ABR: variants seen among roughly 807,000 people sequenced by gnomAD.
The protein encoded by ABR is active breakpoint cluster region-related protein.
In ABR, 35 loss-of-function variants were observed where a neutral mutation model predicts 107.2. The ratio of observed to expected loss-of-function variants is 0.33; its 90% confidence interval spans 0.25 to 0.43. The LOEUF (loss-of-function observed/expected upper bound fraction) is 0.43, where lower values mean the gene tolerates loss of function less well. Ranked by LOEUF, ABR falls within the 20% of genes least tolerant of loss-of-function variation. The probability of loss-of-function intolerance (pLI) is 1.00; values close to 1 mark genes in which losing one functional copy is unlikely to be tolerated. For missense variants in ABR, 815 were observed against 1,115.2 expected (o/e 0.73, Z 3.83); for synonymous variants, 498 against 462.0 (o/e 1.08, Z -1.00).
At chr17:1,216,520 A>G (rs138894002) in intron 1 of ABR, among the ~76,000 whole-genome samples, 79 of 152,348 alleles carry the variant, frequency 5.2e-4, no homozygotes, top group African/African-American at 1.9e-3. Flanking sequence ...GGCTCTAACT[A>G]ATGCCTCCCA....
At chr17:1,129,010 CA>C (rs1291359115) in intron 1 of ABR, among the ~76,000 whole-genome samples, 1 of 152,254 alleles carries the variant, frequency 6.6e-6, no homozygotes, top group Non-Finnish European at 1.5e-5. Context: ...TATCTGCAGT[CA>C]AACCTAAGGT....
At chr17:1,060,715 G>A (rs1385683951) in intron 10 of ABR, among the ~76,000 whole-genome samples, 2 of 151,956 alleles carry the variant, frequency 1.3e-5, no homozygotes, top group Non-Finnish European at 2.9e-5. Flanking sequence ...GAACAAGGCT[G>A]AGCACGGTGG....
chr17:1,108,751 A>G (rs2151383641), intron 2 of ABR, among the ~76,000 whole-genome samples: 1 of 152,182 alleles, frequency 6.6e-6, no homozygotes, highest in East Asian at 1.9e-4. Context: ...CACTGCCCCG[A>G]GGACACCGGT....
chr17:1,044,650 C>CAA lies in ABR; in HGVS notation c.1791+5398_1791+5399dup, dbSNP rs3031691. ...TGGGCAGCACAGCAAGACCCCATCT[C>CAA]AAAAAAAAAAAAAATACCTCTTCCG... On this transcript the variant is annotated intron_variant, in intron 16 of 22. Coordinates refer to ENST00000302538, the MANE Select transcript of ABR (RefSeq NM_021962.5). 2.5e-3 allele frequency among the ~76,000 whole-genome samples: 364 copies of CAA among 144,738 alleles called. 1 individual carries two copies. Among genetic ancestry groups the CAA allele is most frequent in the African/African-American group, 8.2e-3 (323 of 39,228 alleles). 95.0% of individuals were successfully genotyped at this position (144,738 alleles called of 152,430 possible). A position where few individuals can be genotyped will look rare whatever the true frequency, so the allele number is the denominator to read the frequency against.
upstream of ABR, among the ~76,000 whole-genome samples, chr17:1,189,329 C>T (rs892465297): frequency 6.6e-6 from 1 of 150,968 alleles, no homozygotes; most frequent in Non-Finnish European, 1.5e-5. Flanking sequence ...TCCTCTCTTA[C>T]TAAGACCTGT....
Position 1,027,856 on chromosome 17 carries a change from G to C in ABR, c.1792-14692C>G, listed in dbSNP as rs188932693. Among the ~76,000 whole-genome samples the C allele has an allele frequency of 6.6e-6, 1 of 152,156 alleles. No homozygotes were observed. The highest frequency in any genetic ancestry group is 6.5e-5 in the Admixed American group (1 of 15,292). On this transcript the variant is annotated intron_variant, in intron 16 of 22. Coordinates refer to ENST00000302538, the MANE Select transcript of ABR (RefSeq NM_021962.5). The surrounding 1 kb of genome is among the most constrained non-coding windows in gnomAD (Gnocchi z 4.7). Reference sequence around the variant, plus strand: ...CCAGACTTCTATTGCAGAAGGCTGCGAGATCTTTCCTGACGCCCAGACTGG... The same window carrying C: ...CCAGACTTCTATTGCAGAAGGCTGCCAGATCTTTCCTGACGCCCAGACTGG...
rs1462442050 is a variant in ABR at position 1,037,509 on chromosome 17, T to C, written c.1791+12541A>G. 6.6e-6 allele frequency among the ~76,000 whole-genome samples: 1 copy of C among 152,152 alleles called. No individual in the cohort carries two copies. The highest frequency in any genetic ancestry group is 2.4e-5 in the African/African-American group (1 of 41,436). ...AACCCTAGCGATTCTCACAGCACATTTGGTCATGGAAAAGGGTGAAAAATG... is the reference window on the plus strand; with the variant it reads ...AACCCTAGCGATTCTCACAGCACATCTGGTCATGGAAAAGGGTGAAAAATG... On this transcript the variant is annotated intron_variant, in intron 16 of 22. Coordinates refer to ENST00000302538, the MANE Select transcript of ABR (RefSeq NM_021962.5). The surrounding 1 kb of genome is among the most constrained non-coding windows in gnomAD (Gnocchi z 4.6).
In ABR at chr17:1,140,743, C is replaced by T. The variant is rs527712129; in HGVS notation, c.62-15376G>A. On this transcript the variant is annotated intron_variant, in intron 1 of 22. Transcript: ENST00000302538. ...GATCACAGGCACCCGCCACCATGCC[C>T]GGCTAATTTTTGTATTTTTAGTAGA... Among the ~76,000 whole-genome samples, 254 of 152,120 alleles carry T rather than the reference C, an allele frequency of 1.7e-3. 2 individuals are homozygous for T. Among genetic ancestry groups the T allele is most frequent in the Non-Finnish European group, 3.0e-3 (201 of 67,986 alleles).
intron 2 of ABR, among the ~76,000 whole-genome samples, chr17:1,116,092 G>A (rs181552926): frequency 6.7e-6 from 1 of 149,302 alleles, no homozygotes; most frequent in Non-Finnish European, 1.5e-5. Flanking sequence ...CGGATGTGGT[G>A]GCCTGTAATC....
intron 1 of ABR, among the ~76,000 whole-genome samples, chr17:1,167,498 G>A (rs898262976): frequency 2.0e-5 from 3 of 152,144 alleles, no homozygotes; most frequent in Admixed American, 6.5e-5. Flanking sequence ...TCCCCCGAGC[G>A]GAGGGAGTAA....
At position 1,032,308 on chromosome 17, in the gene ABR, C is replaced by T. The variant is rs553040887; in HGVS notation, c.1791+17742G>A. 2.9e-4 allele frequency among the ~76,000 whole-genome samples: 44 copies of T among 152,286 alleles called. 1 individual carries two copies. The highest frequency in any genetic ancestry group is 2.4e-3 in the Admixed American group (37 of 15,298). On this transcript the variant is annotated intron_variant, in intron 16 of 22. Transcript: ENST00000302538. ...CTCAGAGCCAGCTTGGTGACCCGGC[C>T]AGACCCTTGTGGACCGGCACTCAGA...
chr17:1,139,534 G>A (rs137855382), intron 1 of ABR, among the ~76,000 whole-genome samples: 1,766 of 148,998 alleles, frequency 0.012, 38 homozygotes, highest in African/African-American at 0.04. Context: ...TTACAGGCGT[G>A]AGCCACCGTG....
intron 5 of ABR, among the ~76,000 whole-genome samples, chr17:1,081,490 CCT>C (rs1187818955): frequency 4.6e-5 from 7 of 152,322 alleles, no homozygotes; most frequent in Non-Finnish European, 7.3e-5. Flanking sequence ...GGTCAGCCAT[CCT>C]CTCTCTGCAC....
intron 2 of ABR, among the ~76,000 whole-genome samples, chr17:1,111,289 C>A (rs142122275): frequency 2.0e-5 from 3 of 152,214 alleles, no homozygotes; most frequent in Admixed American, 1.3e-4. Context: ...ACACAAGTGA[C>A]TCCCTGAGTA....
At chr17:1,197,140 T>A (rs1205124267) in intron 1 of ABR, among the ~76,000 whole-genome samples, 2 of 151,510 alleles carry the variant, frequency 1.3e-5, no homozygotes, top group Non-Finnish European at 2.9e-5. Flanking sequence ...ATCTCTTTCT[T>A]CAAGGCAGCC....
chr17:1,037,036 C>T lies in ABR; in HGVS notation c.1791+13014G>A, dbSNP rs2073239773. On this transcript the variant is annotated intron_variant, in intron 16 of 22. Coordinates refer to ENST00000302538, the MANE Select transcript of ABR (RefSeq NM_021962.5). This position sits in a 1 kb window ranked among gnomAD's most constrained non-coding sequence, Gnocchi z 4.6. The stretch of plus-strand genomic sequence containing the variant: ...CCATCCTTCCTTCCTTCCATCCATC[C>T]ACCCATCCATCCATCCATCCACCCA... Among the ~76,000 whole-genome samples, 1 of 134,542 alleles carries T rather than the reference C, an allele frequency of 7.4e-6. No homozygotes were observed. Among genetic ancestry groups the T allele is most frequent in the African/African-American group, 2.9e-5 (1 of 35,044 alleles). The allele number at this position is 134,542 out of a possible 152,430, so 88.3% of individuals were successfully genotyped here. A position where few individuals can be genotyped will look rare whatever the true frequency, so the allele number is the denominator to read the frequency against.
Position 1,100,821 on chromosome 17 carries a change from C to T in ABR, c.247-86G>A, listed in dbSNP as rs76815113. 5.0e-5 allele frequency: 64 copies of T among 1,281,762 alleles called. No individual in the cohort carries two copies. In the African/African-American group the frequency reaches 5.2e-4, roughly 10 times the overall value. 79.4% of individuals were successfully genotyped at this position (1,281,762 alleles called of 1,614,324 possible). A position where few individuals can be genotyped will look rare whatever the true frequency, so the allele number is the denominator to read the frequency against. Reference sequence around the variant, plus strand: ...ACGGTCTGCTTCCCTGCCCTTCCCCCCCGACCTTTATTTTTTTTTTGAGAC... The same window carrying T: ...ACGGTCTGCTTCCCTGCCCTTCCCCTCCGACCTTTATTTTTTTTTTGAGAC... On this transcript the variant is annotated intron_variant, in intron 2 of 22. Coordinates refer to ENST00000302538, the MANE Select transcript of ABR (RefSeq NM_021962.5).
At chr17:1,102,290 G>C (rs78383802) in intron 2 of ABR, among the ~76,000 whole-genome samples, 3 of 152,192 alleles carry the variant, frequency 2.0e-5, no homozygotes, top group South Asian at 2.1e-4. Flanking sequence ...GGCCACAGAA[G>C]GGGAGTGAGA....
At chr17:1,173,220 T>C (rs368032612) in intron 1 of ABR, among the ~76,000 whole-genome samples, 542 of 8,788 alleles carry the variant, frequency 0.062, 1 homozygote, top group African/African-American at 0.12. Context: ...CTCAGTCCAC[T>C]CAACACATCA....
Sources: allele counts gnomAD v4.1 joint callset (sites outside exome capture counted in the v4.1 genomes callset), GRCh38; gene constraint gnomAD v4.1.1; non-coding constraint Gnocchi (gnomAD v3.1); transcripts MANE v1.5; gene names NCBI Gene and HGNC (gene_info 2026-07-23, HGNC 2026-07-21).